Variants in PDIA6 observed in about 807,000 individuals in gnomAD.
The protein encoded by PDIA6 is protein disulfide isomerase family A member 6.
PDIA6 carries 29 observed loss-of-function variants against 58.4 expected under a neutral mutation model. That is an observed-to-expected ratio of 0.50 (90% CI 0.37 to 0.68). The LOEUF (loss-of-function observed/expected upper bound fraction) is 0.68. PDIA6 is among the 30% of genes least tolerant of loss of function. The pLI is 0.00. For missense variants in PDIA6, 480 were observed against 551.0 expected, an observed-to-expected ratio of 0.87 and a Z score of 1.29; for synonymous variants, 192 against 202.6, an observed-to-expected ratio of 0.95 and a Z score of 0.44.
At chr2:10,804,985 A>G (rs1284405747) in intron 1 of PDIA6, among the ~76,000 whole-genome samples, 1 of 151,022 alleles carries the variant, frequency 6.6e-6, no homozygotes, top group Non-Finnish European at 1.5e-5. Flanking sequence ...TTGTTGGTGT[A>G]TAAGAATGCT....
chr2:10,836,259 A>G (rs986320780), upstream of PDIA6, among the ~76,000 whole-genome samples: 1 of 152,212 alleles, frequency 6.6e-6, no homozygotes, highest in Non-Finnish European at 1.5e-5. Context: ...CCCTTAAGGC[A>G]CACTCAGGTC....
chr2:10,802,752 G>A (rs932783266), intron 1 of PDIA6, 112 bp from the exon 2 acceptor site: 27 of 774,130 alleles, frequency 3.5e-5, no homozygotes, highest in South Asian at 5.6e-5. Context: ...ACAGGAGGAC[G>A]GCCTAGCTCT....
intron 2 of PDIA6, among the ~76,000 whole-genome samples, chr2:10,799,994 GAA>G (rs199652893): frequency 2.0e-5 from 3 of 151,442 alleles, no homozygotes. Flanking sequence ...GAATTTGGAT[GAA>G]AAAAAAGTCT....
chr2:10,814,187 T>G (rs1209649447), upstream of PDIA6, among the ~76,000 whole-genome samples: 2 of 151,784 alleles, frequency 1.3e-5, no homozygotes, highest in Non-Finnish European at 2.9e-5. Context: ...GGTCCAGGAG[T>G]GGTGGGGGCC....
intron 1 of PDIA6, among the ~76,000 whole-genome samples, chr2:10,831,815 TC>T (rs1667717750): frequency 2.0e-5 from 3 of 151,944 alleles, no homozygotes; most frequent in Non-Finnish European, 2.9e-5. Context: ...CCAGCCACCT[TC>T]CTGGACCCCT....
upstream of PDIA6, among the ~76,000 whole-genome samples, chr2:10,814,091 T>G (rs1667116825): frequency 6.6e-6 from 1 of 152,228 alleles, no homozygotes; most frequent in African/African-American, 2.4e-5. Flanking sequence ...CTCCCTCCTA[T>G]GTTTGGAGTG....
rs774042187 is a variant in PDIA6, at chr2:10,819,303, T to TA, written c.4dup (p.Tyr2LeufsTer8). 1.2e-5 allele frequency: 18 copies of TA among 1,538,182 alleles called. No individual in the cohort carries two copies. In the South Asian group the frequency reaches 2.1e-4, roughly 18 times the overall value. On this transcript the variant is annotated frameshift_variant, in exon 2 of 14. Coordinates refer to the PDIA6 transcript ENST00000381611. LOFTEE classifies it high-confidence loss of function. ...TGCATTAGCCATGGTGGTTGATGGA[T>TA]ACATTATGGGACTTTTCCTTGATAG...
At chr2:10,807,643 T>A (rs567718109) in intron 1 of PDIA6, among the ~76,000 whole-genome samples, 9 of 152,366 alleles carry the variant, frequency 5.9e-5, no homozygotes, top group African/African-American at 2.2e-4. Context: ...GTACATGCCA[T>A]CTTAGTTACA....
At chr2:10,820,979 T>TAAGC in intron 1 of PDIA6, 1 of 646,750 alleles carries the variant, frequency 1.5e-6, no homozygotes, top group African/African-American at 1.8e-5. Context: ...TGACCCTGGT[T>TAAGC]AAGCAGGTCG....
At chr2:10,807,085 C>A (rs570201297) in intron 1 of PDIA6, among the ~76,000 whole-genome samples, 1 of 152,092 alleles carries the variant, frequency 6.6e-6, no homozygotes, top group East Asian at 1.9e-4. Flanking sequence ...CAACACATGA[C>A]AATATACAAA....
chr2:10,789,465 T>C (rs1472155374), intron 8 of PDIA6, among the ~76,000 whole-genome samples: 1 of 152,154 alleles, frequency 6.6e-6, no homozygotes, highest in East Asian at 1.9e-4. Flanking sequence ...GCCTGTTACA[T>C]GATTAGTACT....
At chr2:10,822,128 G>T (rs1036412620) in intron 1 of PDIA6, among the ~76,000 whole-genome samples, 7 of 150,910 alleles carry the variant, frequency 4.6e-5, no homozygotes, top group Non-Finnish European at 1.0e-4. Context: ...TTGTAGAGAT[G>T]GGGTTTCACC....
At chr2:10,825,246 C>CTCTCTCTCTG (rs1433527957) in intron 1 of PDIA6, among the ~76,000 whole-genome samples, 1 of 70,742 alleles carries the variant, frequency 1.4e-5, no homozygotes, top group African/African-American at 3.4e-5. Context: ...AAAAACTCCT[C>CTCTCTCTCTG]TCTCTCTCTG....
chr2:10,797,644 A>T, intron 3 of PDIA6, 56 bp downstream of exon 3: 2 of 1,223,238 alleles, frequency 1.6e-6, no homozygotes, highest in Non-Finnish European at 2.4e-6. Flanking sequence ...TGGACATCTT[A>T]GAAACTTACT....
chr2:10,792,064 TTCAAATTGGGTACATTCC>T (rs1666060195), intron 5 of PDIA6, 139 bp from the exon 6 acceptor site: 1 of 921,364 alleles, frequency 1.1e-6, no homozygotes, highest in African/African-American at 1.7e-5. Flanking sequence ...AACGGTTGTA[TTCAAATTGGGTACATTCC>T]TCAGCACTGT....
Position 10,784,293 on chromosome 2 carries a change from CATCACTGAGGTCA to C in PDIA6, c.1275_1287del (p.Ile425MetfsTer7), listed in dbSNP as rs1665586678. 6.2e-7 allele frequency: 1 copy of C among 1,613,464 alleles called. No individual in the cohort carries two copies. Among genetic ancestry groups the C allele is most frequent in the Admixed American group, 1.7e-5 (1 of 59,750 alleles). On this transcript the variant is annotated frameshift_variant, in exon 13 of 13. Transcript: ENST00000272227. LOFTEE classifies it high-confidence loss of function. ...TCTTTCCCTAAGTCATCAAGCTCCA[CATCACTGAGGTCA>C]ATGTCATCCTCCACGGGAAGCTGGG...
chr2:10,812,786 G>A (rs1667065835), upstream of PDIA6: 7 of 1,260,444 alleles, frequency 5.6e-6, no homozygotes, highest in Admixed American at 8.5e-5. Context: ...CCCACGTCCC[G>A]CCCCAGGCCA....
chr2:10,834,939 T>C (rs1667798180), upstream of PDIA6, among the ~76,000 whole-genome samples: 1 of 152,014 alleles, frequency 6.6e-6, no homozygotes, highest in Non-Finnish European at 1.5e-5. Flanking sequence ...GCTAATTTTT[T>C]GTATTTTTAG....
At chr2:10,826,230 CAT>C (rs1376597787) in intron 1 of PDIA6, among the ~76,000 whole-genome samples, 2 of 152,214 alleles carry the variant, frequency 1.3e-5, no homozygotes, top group African/African-American at 2.4e-5. Flanking sequence ...AAAATAACCA[CAT>C]GATTACTTTC....
Sources: allele counts gnomAD v4.1 joint callset (sites outside exome capture counted in the v4.1 genomes callset), GRCh38; gene constraint gnomAD v4.1.1; transcripts MANE v1.5; gene names NCBI Gene and HGNC (gene_info 2026-07-23, HGNC 2026-07-21).